Variants in ATG13 observed in about 807,000 individuals in gnomAD.
ATG13 encodes autophagy-related protein 13.
In ATG13, 23 loss-of-function variants were observed where a neutral mutation model predicts 65.5. The ratio of observed to expected loss-of-function variants is 0.35; its 90% CI spans 0.25 to 0.50. The LOEUF (loss-of-function observed/expected upper bound fraction) is 0.50. ATG13 is among the 20% of genes least tolerant of loss of function. The probability of loss-of-function intolerance (pLI) is 0.98; values close to 1 mark genes in which losing one functional copy is unlikely to be tolerated. For synonymous variants in ATG13, 252 were observed against 245.2 expected, an observed-to-expected ratio of 1.03 and a Z score of -0.26; for missense variants, 566 against 677.0, an observed-to-expected ratio of 0.84 and a Z score of 1.82.
intron 2 of ATG13, among the ~76,000 whole-genome samples, chr11:46,637,833 G>A (rs2054514792): frequency 6.6e-6 from 1 of 152,166 alleles, no homozygotes; most frequent in Non-Finnish European, 1.5e-5. Context: ...CTGGCATAGG[G>A]CAGCTGGCGG....
At position 46,644,190 on chromosome 11, in the gene ATG13, G is replaced by A. The variant is rs915745819; in HGVS notation, c.-13-89G>A. On this transcript the variant is annotated intron_variant, in intron 2 of 18. Transcript: ENST00000683050. Reference sequence around the variant, plus strand: ...CCCACTCCCACATGATTATTCCTAGGCTAGTAGACAATACCATCTCTGTAT... The same window carrying A: ...CCCACTCCCACATGATTATTCCTAGACTAGTAGACAATACCATCTCTGTAT... 1.1e-5 allele frequency: 11 copies of A among 989,142 alleles called. No homozygotes were observed. In the African/African-American group the frequency reaches 1.7e-4, roughly 15 times the overall value. 61.3% of individuals were successfully genotyped at this position (989,142 alleles called of 1,614,324 possible).
At chr11:46,636,710 A>G (rs1000653951) in intron 2 of ATG13, among the ~76,000 whole-genome samples, 4 of 151,746 alleles carry the variant, frequency 2.6e-5, no homozygotes, top group African/African-American at 9.7e-5. Flanking sequence ...TCCTGCCTCA[A>G]CCTCCCAAAG....
At chr11:46,636,266 A>G (rs1205463963) in intron 2 of ATG13, among the ~76,000 whole-genome samples, 2 of 152,008 alleles carry the variant, frequency 1.3e-5, no homozygotes, top group East Asian at 1.9e-4. Context: ...AGATATCCCT[A>G]TCCTGGGAGG....
chr11:46,658,535 AT>A (rs912148307), intron 10 of ATG13, among the ~76,000 whole-genome samples: 3,476 of 141,608 alleles, frequency 0.025, 37 homozygotes, highest in Middle Eastern at 0.044. Flanking sequence ...GTTTCTACCA[AT>A]TTTTTTTTTT....
chr11:46,672,050 A>G (rs997793999), intron 18 of ATG13, among the ~76,000 whole-genome samples: 3 of 152,174 alleles, frequency 2.0e-5, no homozygotes, highest in African/African-American at 4.8e-5. Context: ...AGGCCGTTCC[A>G]TTAATCCTCC....
chr11:46,631,460 T>A (rs2051710430), intron 2 of ATG13, among the ~76,000 whole-genome samples: 1 of 152,254 alleles, frequency 6.6e-6, no homozygotes, highest in Admixed American at 6.5e-5. Flanking sequence ...TATTATCTTT[T>A]GCACTTAAGT....
At chr11:46,646,021 T>C (rs899009388) in intron 5 of ATG13, 32 bp downstream of exon 5, 2 of 1,613,384 alleles carry the variant, frequency 1.2e-6, no homozygotes, top group Non-Finnish European at 1.7e-6. Context: ...TGTCTTCATT[T>C]AGCACTGAAG....
chr11:46,663,265 C>A (rs1204304129), intron 11 of ATG13, among the ~76,000 whole-genome samples: 219 of 78,364 alleles, frequency 2.8e-3, no homozygotes, highest in South Asian at 4.0e-3. Context: ...GACTCCATCT[C>A]AAAAAAAAAA....
intron 7 of ATG13, among the ~76,000 whole-genome samples, chr11:46,652,179 C>T (rs982016291): frequency 6.6e-6 from 1 of 151,918 alleles, no homozygotes; most frequent in Non-Finnish European, 1.5e-5. Context: ...ACCCAGGAGG[C>T]GGAGGTTGCA....
intron 7 of ATG13, among the ~76,000 whole-genome samples, chr11:46,652,003 C>CT (rs2059000849): frequency 6.6e-6 from 1 of 152,040 alleles, no homozygotes; most frequent in Admixed American, 6.6e-5. Flanking sequence ...AATCCCAGCA[C>CT]TTTGAGAGGC....
At chr11:46,659,657 G>A in intron 11 of ATG13, 172 bp downstream of exon 11, 1 of 548,098 alleles carries the variant, frequency 1.8e-6, no homozygotes, top group South Asian at 2.5e-5. Flanking sequence ...AGTATTTCTA[G>A]TCTGTAATTA....
chr11:46,646,276 G>A (rs1391158133), intron 5 of ATG13, among the ~76,000 whole-genome samples: 2 of 152,078 alleles, frequency 1.3e-5, no homozygotes, highest in Non-Finnish European at 2.9e-5. Flanking sequence ...AGCCTCCTGA[G>A]TAGCTGGGAT....
chr11:46,659,188 A>G, intron 10 of ATG13: 1 of 520,556 alleles, frequency 1.9e-6, no homozygotes, highest in Non-Finnish European at 3.4e-6. Flanking sequence ...AATGAGAAAC[A>G]AGAACAAAAC....
At chr11:46,662,565 T>C (rs1472135735) in intron 11 of ATG13, among the ~76,000 whole-genome samples, 1 of 152,196 alleles carries the variant, frequency 6.6e-6, no homozygotes, top group Non-Finnish European at 1.5e-5. Flanking sequence ...CAAATTCTTA[T>C]CAACAGTCTG....
At chr11:46,667,269 T>C (rs1488051094) in intron 14 of ATG13, among the ~76,000 whole-genome samples, 1 of 152,168 alleles carries the variant, frequency 6.6e-6, no homozygotes, top group Non-Finnish European at 1.5e-5. Context: ...CTGTGACTGC[T>C]GGTTTGGCAG....
At chr11:46,644,549 C>G (rs1202495674) in intron 3 of ATG13, among the ~76,000 whole-genome samples, 189 bp downstream of exon 3, 6 of 151,342 alleles carry the variant, frequency 4.0e-5, no homozygotes, top group African/African-American at 1.5e-4. Context: ...TAAAATGTAG[C>G]TTCCAATTTT....
chr11:46,645,261 T>G, intron 3 of ATG13, 78 bp from the exon 4 acceptor site: 1 of 1,286,470 alleles, frequency 7.8e-7, no homozygotes, highest in Non-Finnish European at 1.1e-6. Context: ...TGGGAGGATT[T>G]TAACCCTGAT....
chr11:46,649,539 C>T (rs1003168732), intron 6 of ATG13, among the ~76,000 whole-genome samples: 2 of 152,202 alleles, frequency 1.3e-5, no homozygotes, highest in Admixed American at 6.5e-5. Flanking sequence ...GGCAGCCATC[C>T]AATAAGATTT....
At chr11:46,668,756 C>G in intron 16 of ATG13, 38 bp from the exon 17 acceptor site, 1 of 1,552,024 alleles carries the variant, frequency 6.4e-7, no homozygotes, top group Non-Finnish European at 8.9e-7. Context: ...GAATCTGGGT[C>G]ACAGCATCAG....
Sources: gnomAD v4.1 joint callset for allele counts (sites outside exome capture counted in the v4.1 genomes callset) on GRCh38, gnomAD v4.1.1 for gene constraint, MANE v1.5 for transcripts, NCBI Gene and HGNC (gene_info 2026-07-23, HGNC 2026-07-21) for gene names.